The following TSHZ2 variants were observed in gnomAD, a reference collection of about 807,000 sequenced individuals.
TSHZ2 encodes teashirt homolog 2.
TSHZ2 carries 21 observed loss-of-function variants against 74.4 expected under a neutral mutation model. The observed-to-expected ratio is 0.28, with a 90% CI of 0.20 to 0.41. The LOEUF (loss-of-function observed/expected upper bound fraction) is 0.41. Ranked by LOEUF, TSHZ2 falls within the 10% of genes least tolerant of loss-of-function variation. The pLI is 1.00. For missense variants in TSHZ2, 1,244 were observed against 1,293.5 expected (o/e 0.96, Z 0.59); for synonymous variants, 540 against 515.3 (o/e 1.05, Z -0.65).
chr20:53,141,410 T>A (rs564844489), intron 1 of TSHZ2, among the ~76,000 whole-genome samples: 73 of 152,342 alleles, frequency 4.8e-4, no homozygotes, highest in South Asian at 1.5e-3. Flanking sequence ...CTATTTATGA[T>A]CCCCACCGTG....
intron 1 of TSHZ2, among the ~76,000 whole-genome samples, chr20:53,163,117 A>G (rs2123467507): frequency 6.6e-6 from 1 of 152,168 alleles, no homozygotes; most frequent in South Asian, 2.1e-4. Flanking sequence ...CAACTTTTTT[A>G]TTGTTTCAAA....
intron 1 of TSHZ2, among the ~76,000 whole-genome samples, chr20:53,203,123 C>T (rs1306102224): frequency 1.3e-5 from 2 of 152,106 alleles, no homozygotes; most frequent in Admixed American, 6.6e-5. Flanking sequence ...GCACAACTCA[C>T]CTTTAAGCTG....
At chr20:53,460,859 C>CG (rs1462848693) in intron 2 of TSHZ2, among the ~76,000 whole-genome samples, 1 of 152,196 alleles carries the variant, frequency 6.6e-6, no homozygotes, top group African/African-American at 2.4e-5. Flanking sequence ...TTAGGCTGCT[C>CG]GGGGGTCAGG....
intron 2 of TSHZ2, among the ~76,000 whole-genome samples, chr20:53,349,300 T>C (rs948895104): frequency 3.3e-5 from 5 of 152,240 alleles, no homozygotes; most frequent in Non-Finnish European, 5.9e-5. Flanking sequence ...GCCCACCACA[T>C]AGCAAAGTCT....
intron 1 of TSHZ2, among the ~76,000 whole-genome samples, chr20:53,221,776 C>A (rs1032420592): frequency 6.6e-6 from 1 of 152,186 alleles, no homozygotes; most frequent in African/African-American, 2.4e-5. Context: ...AATATTCATG[C>A]TAAGCTACTC....
chr20:53,256,888 C>T lies in TSHZ2; in HGVS notation c.*8+317C>T, dbSNP rs1990494965. On this transcript the variant is annotated intron_variant, in intron 2 of 2. Transcript: ENST00000371497. This position sits in a 1 kb window ranked among gnomAD's most constrained non-coding sequence, Gnocchi z 4.3. The stretch of plus-strand genomic sequence containing the variant: ...GGCAAGCTCCAGTGTCCAGCCAAGG[C>T]TATCTTTCATTTTAATTATTAGATA... Among the ~76,000 whole-genome samples, 1 of 152,168 alleles carries T rather than the reference C, an allele frequency of 6.6e-6. No homozygotes were observed. The highest frequency in any genetic ancestry group is 6.5e-5 in the Admixed American group (1 of 15,280).
At chr20:53,359,934 A>C (rs576191981) in intron 2 of TSHZ2, among the ~76,000 whole-genome samples, 3 of 152,338 alleles carry the variant, frequency 2.0e-5, no homozygotes, top group African/African-American at 7.2e-5. Flanking sequence ...CGTGGGGGAA[A>C]GTCATCCTTA....
chr20:53,039,607 C>A (rs568864845), intron 1 of TSHZ2, among the ~76,000 whole-genome samples: 3 of 152,056 alleles, frequency 2.0e-5, no homozygotes, highest in Non-Finnish European at 4.4e-5. Context: ...GGTGAAACTC[C>A]GTCTCCACTA....
At chr20:53,054,243 T>C (rs1417684161) in intron 1 of TSHZ2, among the ~76,000 whole-genome samples, 3 of 152,190 alleles carry the variant, frequency 2.0e-5, no homozygotes, top group Non-Finnish European at 1.5e-5. Flanking sequence ...GAGAAACTTG[T>C]CATTTGTTTG....
In TSHZ2 at chr20:53,038,884, T is replaced by TTTG. The variant is rs5841924; in HGVS notation, c.40+65553_40+65554insGTT. Among the ~76,000 whole-genome samples the TTTG allele has an allele frequency of 3.1e-3, 451 of 144,288 alleles. 3 individuals are homozygous for TTTG. The highest frequency in any genetic ancestry group is 0.011 in the African/African-American group (390 of 37,068). 94.7% of individuals were successfully genotyped at this position (144,288 alleles called of 152,430 possible). ...GTTTTTTTTTTGTTTGTTTGTTTTG[T>TTTG]TTTGTTTGTTTGTTTGTTTGTTTGT... On this transcript the variant is annotated intron_variant, in intron 1 of 2. Coordinates refer to ENST00000371497, the MANE Select transcript of TSHZ2 (RefSeq NM_173485.6).
At chr20:53,014,266 T>C (rs1982956622) in intron 1 of TSHZ2, among the ~76,000 whole-genome samples, 1 of 151,958 alleles carries the variant, frequency 6.6e-6, no homozygotes, top group Non-Finnish European at 1.5e-5. Flanking sequence ...ACAAGGGCAC[T>C]AATACCAACC....
chr20:53,263,457 G>A (rs559264034), intron 2 of TSHZ2, among the ~76,000 whole-genome samples: 15 of 152,346 alleles, frequency 9.8e-5, no homozygotes, highest in Middle Eastern at 3.4e-3. Flanking sequence ...GGGCCGTCAC[G>A]GGGAAGCTAG....
intron 2 of TSHZ2, among the ~76,000 whole-genome samples, chr20:53,435,451 T>C (rs1984013852): frequency 6.6e-6 from 1 of 152,204 alleles, no homozygotes; most frequent in Non-Finnish European, 1.5e-5. Context: ...GTTGAAAACG[T>C]ATCTATGTGA....
intron 2 of TSHZ2, among the ~76,000 whole-genome samples, chr20:53,360,575 T>C (rs903851900): frequency 2.0e-5 from 3 of 152,190 alleles, no homozygotes; most frequent in African/African-American, 7.2e-5. Context: ...GGTTCCAAGA[T>C]GGTGTGATTT....
chr20:53,038,858 TG>T (rs1422987407), intron 1 of TSHZ2, among the ~76,000 whole-genome samples: 3 of 95,736 alleles, frequency 3.1e-5, no homozygotes, highest in Non-Finnish European at 6.9e-5. Flanking sequence ...TTTCACTTCT[TG>T]TTTTTTTTTT....
At chr20:52,993,281 A>T (rs1240279391) in intron 1 of TSHZ2, among the ~76,000 whole-genome samples, 1 of 152,178 alleles carries the variant, frequency 6.6e-6, no homozygotes, top group African/African-American at 2.4e-5. Flanking sequence ...TCCCCCGGGC[A>T]ACATAACATT....
chr20:53,305,828 A>C (rs1354260224), intron 2 of TSHZ2, among the ~76,000 whole-genome samples: 1 of 152,054 alleles, frequency 6.6e-6, no homozygotes, highest in Non-Finnish European at 1.5e-5. Flanking sequence ...AAATACAAAA[A>C]TTAGCCAGGC....
At chr20:52,985,976 CCT>C (rs1187325168) in intron 1 of TSHZ2, among the ~76,000 whole-genome samples, 1 of 152,198 alleles carries the variant, frequency 6.6e-6, no homozygotes, top group Admixed American at 6.5e-5. Flanking sequence ...CATTTCAATG[CCT>C]CTGGTAAGTC....
At chr20:53,268,222 T>A (rs528563430) in intron 2 of TSHZ2, among the ~76,000 whole-genome samples, 1 of 152,290 alleles carries the variant, frequency 6.6e-6, no homozygotes, top group South Asian at 2.1e-4. Flanking sequence ...CATTATATGT[T>A]CCATGCAGAA....
Sources: gnomAD v4.1 joint callset for allele counts (sites outside exome capture counted in the v4.1 genomes callset) on GRCh38, gnomAD v4.1.1 for gene constraint, Gnocchi (gnomAD v3.1) non-coding constraint, MANE v1.5 for transcripts, NCBI Gene and HGNC (gene_info 2026-07-23, HGNC 2026-07-21) for gene names.